WDFY4: variants seen among roughly 807,000 people sequenced by gnomAD.
WDFY4 encodes WD repeat- and FYVE domain-containing protein 4.
In WDFY4, 169 loss-of-function variants were observed where a neutral mutation model predicts 351.9. The observed-to-expected ratio is 0.48, with a 90% CI of 0.42 to 0.55. The LOEUF is 0.55. Among genes scored for constraint, WDFY4 ranks in the 20% least tolerant of loss-of-function variants. The pLI, the probability that WDFY4 is intolerant of heterozygous loss-of-function variation, is 0.00. For missense variants in WDFY4, 3,803 were observed against 3,935.6 expected, an observed-to-expected ratio of 0.97 and a Z score of 0.90; for synonymous variants, 1,622 against 1,574.6, an observed-to-expected ratio of 1.03 and a Z score of -0.71.
intron 13 of WDFY4, 143 bp downstream of exon 13, chr10:48,760,583 G>A (rs2065473078): frequency 6.4e-6 from 5 of 787,162 alleles, no homozygotes; most frequent in African/African-American, 1.7e-5. Flanking sequence ...AACACCTATA[G>A]TGGGAAAGTA....
chr10:48,966,399 C>A, intron 54 of WDFY4, 127 bp from the exon 55 acceptor site: 1 of 1,032,916 alleles, frequency 9.7e-7, no homozygotes, highest in Non-Finnish European at 1.4e-6. Context: ...TGTTCATGTT[C>A]AGCTCTGTCA....
In WDFY4 at chr10:48,897,547, G is replaced by T. The variant is rs773588299; in HGVS notation, c.7410G>T (p.Glu2470Asp). ...CQCHSYADMR[E>D]LRQARFLLQD... ...GCCACAGCTACGCTGACATGCGGGAGCTACGGCAGGCTCGCTTCCTCCTGC... is the reference window on the plus strand; with the variant it reads ...GCCACAGCTACGCTGACATGCGGGATCTACGGCAGGCTCGCTTCCTCCTGC... Residue 2470 changes from glutamate to aspartate, a missense_variant, in exon 45 of 62, where the codon GAG (glutamate) becomes GAT (aspartate). By Grantham distance (45) the Glu-to-Asp change is conservative. Around this residue, in one of 3 missense-constraint regions of WDFY4, gnomAD observed 3,054 missense variants for 3,148.6 expected, o/e 0.97. Transcript: ENST00000325239. The T allele has an allele frequency of 1.9e-5, 30 of 1,549,456 alleles. No individual in the cohort carries two copies. The South Asian group carries it at 3.6e-4, about 18-fold the overall frequency.
At chr10:48,772,713 C>T (rs938931867) in intron 13 of WDFY4, among the ~76,000 whole-genome samples, 3 of 147,164 alleles carry the variant, frequency 2.0e-5, no homozygotes, top group African/African-American at 7.8e-5. Context: ...CACCCCACCA[C>T]AGTCCCCAGA....
At chr10:48,931,050 C>G (rs2133681271) in intron 47 of WDFY4, among the ~76,000 whole-genome samples, 1 of 151,554 alleles carries the variant, frequency 6.6e-6, no homozygotes, top group South Asian at 2.1e-4. Context: ...CTATTTCTAA[C>G]CAGAAAAAAA....
chr10:48,786,197 A>T (rs1303230868), intron 19 of WDFY4, among the ~76,000 whole-genome samples: 1 of 152,160 alleles, frequency 6.6e-6, no homozygotes. Flanking sequence ...GTATCCTGTG[A>T]CCTTGCTGAA....
At chr10:48,788,745 C>G in intron 21 of WDFY4, 70 bp downstream of exon 21, 1 of 1,516,678 alleles carries the variant, frequency 6.6e-7, no homozygotes, top group East Asian at 2.5e-5. Context: ...GCTTTCAGTG[C>G]TTAAGTAAAC....
At chr10:48,957,422 CAGCAG>C (rs746002650) in intron 52 of WDFY4, 140 bp downstream of exon 52, 104 of 1,097,046 alleles carry the variant, frequency 9.5e-5, no homozygotes, top group Admixed American at 2.3e-4. Context: ...CTCCACTGGG[CAGCAG>C]TGCCCAGAAG....
At chr10:48,978,442 CT>C (rs1231045354) in intron 60 of WDFY4, 49 bp downstream of exon 60, 2 of 1,483,220 alleles carry the variant, frequency 1.3e-6, no homozygotes, top group South Asian at 2.6e-5. Flanking sequence ...CCCTGCCCTC[CT>C]CACCTCCCCT....
intron 47 of WDFY4, among the ~76,000 whole-genome samples, chr10:48,912,555 G>T (rs1203340489): frequency 6.6e-6 from 1 of 152,182 alleles, no homozygotes; most frequent in African/African-American, 2.4e-5. Flanking sequence ...CATTTCAGTT[G>T]CTCTCTCCTC....
In WDFY4 at chr10:48,872,340, C is replaced by T. The variant is rs556187315; in HGVS notation, c.6742-1151C>T. Among the ~76,000 whole-genome samples the T allele has an allele frequency of 2.0e-5, 3 of 152,278 alleles. No homozygotes were observed. The South Asian group carries it at 6.2e-4, about 32-fold the overall frequency. On this transcript the variant is annotated intron_variant, in intron 40 of 61. Coordinates refer to ENST00000325239, the MANE Select transcript of WDFY4 (RefSeq NM_001394531.1). The stretch of plus-strand genomic sequence containing the variant: ...AGGAAGTCTTTGGAATCCAACAGAC[C>T]AGGTTTAAATCTCTGTTTGGCCACC...
intron 40 of WDFY4, among the ~76,000 whole-genome samples, chr10:48,870,169 G>A (rs2069710663): frequency 6.6e-6 from 1 of 152,178 alleles, no homozygotes; most frequent in Non-Finnish European, 1.5e-5. Flanking sequence ...GAAGTAGCAG[G>A]GACTGAAAGT....
intron 28 of WDFY4, 111 bp downstream of exon 28, chr10:48,808,069 G>T: frequency 3.4e-6 from 3 of 879,514 alleles, no homozygotes; most frequent in Non-Finnish European, 4.9e-6. Flanking sequence ...TTTCTGCAAT[G>T]TATTTCCTGC....
In WDFY4 at chr10:48,786,860, G is replaced by T. The variant is rs1354853943; in HGVS notation, c.3798G>T (p.Val1266=). The part of the protein sequence containing the change: ...GPRYCGNFQA[V]HVQGEDLDSE... ...GATATTGTGGTAACTTCCAAGCTGTGCATGTCCAAGGTATGGAGTGTTTTG... is the reference window on the plus strand; with the variant it reads ...GATATTGTGGTAACTTCCAAGCTGTTCATGTCCAAGGTATGGAGTGTTTTG... The change falls in exon 20 of 62, where the codon GTG becomes GTT. Residue 1266 remains valine (V), a synonymous_variant. Transcript: ENST00000325239. 1 of 1,551,860 alleles carries T rather than the reference G, an allele frequency of 6.4e-7. No individual in the cohort carries two copies. The highest frequency in any genetic ancestry group is 8.7e-7 in the Non-Finnish European group (1 of 1,146,946).
chr10:48,819,919 G>A (rs746286741), intron 32 of WDFY4, among the ~76,000 whole-genome samples: 8 of 152,138 alleles, frequency 5.3e-5, no homozygotes, highest in Non-Finnish European at 1.0e-4. Context: ...CTATTTAACC[G>A]ATGGGGAGCT....
intron 50 of WDFY4, 49 bp downstream of exon 50, chr10:48,946,206 C>A: frequency 7.3e-7 from 1 of 1,372,354 alleles, no homozygotes; most frequent in Non-Finnish European, 1.0e-6. Flanking sequence ...CATCGGGATG[C>A]CCTAAAATGA....
At chr10:48,774,829 T>A in intron 14 of WDFY4, among the ~76,000 whole-genome samples, 157 bp downstream of exon 14, 1 of 152,160 alleles carries the variant, frequency 6.6e-6, no homozygotes. Context: ...GAGCCTTGGG[T>A]CTGTGCCAGG....
chr10:48,963,754 T>C, intron 53 of WDFY4, 88 bp from the exon 54 acceptor site: 1 of 1,359,374 alleles, frequency 7.4e-7, no homozygotes, highest in Non-Finnish European at 1.0e-6. Flanking sequence ...GCCAGCACTC[T>C]GAAGCATGTG....
chr10:48,834,584 G>T (rs1051057428), intron 39 of WDFY4, among the ~76,000 whole-genome samples: 2 of 152,238 alleles, frequency 1.3e-5, no homozygotes, highest in Non-Finnish European at 2.9e-5. Context: ...TCCCACTTGT[G>T]CCCATATACC....
chr10:48,965,515 T>C (rs1008928816), intron 54 of WDFY4, among the ~76,000 whole-genome samples: 3 of 152,204 alleles, frequency 2.0e-5, no homozygotes, highest in Admixed American at 6.5e-5. Context: ...TTTAAATAAG[T>C]TACCATTTGA....
Sources: allele counts gnomAD v4.1 joint callset (sites outside exome capture counted in the v4.1 genomes callset), GRCh38; gene constraint gnomAD v4.1.1; regional missense constraint gnomAD v4.1.1; transcripts MANE v1.5; gene names NCBI Gene and HGNC (gene_info 2026-07-23, HGNC 2026-07-21).